Variants in PCDH15 observed in about 807,000 individuals in gnomAD.
The protein encoded by PCDH15 is protocadherin-15.
In PCDH15, 129 loss-of-function variants were observed where a neutral mutation model predicts 178.5. That is an observed-to-expected ratio of 0.72 (90% CI 0.63 to 0.84). The LOEUF (loss-of-function observed/expected upper bound fraction) is 0.84, where lower values mean the gene tolerates loss of function less well. Among genes scored for constraint, PCDH15 ranks in the 40% least tolerant of loss-of-function variants. PCDH15 has a pLI of 0.00. For missense variants in PCDH15, 2,230 were observed against 2,099.9 expected (o/e 1.06, Z -1.21); for synonymous variants, 800 against 732.0 (o/e 1.09, Z -1.50).
chr10:55,039,282 T>C (rs1840810472), intron 2 of PCDH15, among the ~76,000 whole-genome samples: 1 of 151,906 alleles, frequency 6.6e-6, no homozygotes, highest in Non-Finnish European at 1.5e-5. Context: ...ATTGTGTTCA[T>C]GAAGAAGAGA....
chr10:55,035,783 G>T (rs959231735), intron 2 of PCDH15, among the ~76,000 whole-genome samples: 2 of 152,122 alleles, frequency 1.3e-5, no homozygotes, highest in Admixed American at 1.3e-4. Context: ...ATATGAATAT[G>T]TGTGATAATG....
chr10:54,743,472 T>C (rs1178492479), intron 1 of PCDH15, among the ~76,000 whole-genome samples: 4 of 152,050 alleles, frequency 2.6e-5, no homozygotes, highest in Non-Finnish European at 5.9e-5. Flanking sequence ...ATTTGGTTCA[T>C]GCAAATACGA....
At chr10:55,450,942 G>A (rs1258516529) in intron 2 of PCDH15, among the ~76,000 whole-genome samples, 1 of 110,994 alleles carries the variant, frequency 9.0e-6, no homozygotes, top group Non-Finnish European at 1.7e-5. Flanking sequence ...ATACATGGAA[G>A]AAGGGGTAAG....
At chr10:55,396,300 G>C (rs879587369) in intron 2 of PCDH15, among the ~76,000 whole-genome samples, 1 of 151,976 alleles carries the variant, frequency 6.6e-6, no homozygotes, top group Non-Finnish European at 1.5e-5. Context: ...TGTCATTCTA[G>C]GAAAACAAAA....
At chr10:55,508,334 A>G (rs1356053317) in intron 2 of PCDH15, among the ~76,000 whole-genome samples, 1 of 151,754 alleles carries the variant, frequency 6.6e-6, no homozygotes, top group Non-Finnish European at 1.5e-5. Flanking sequence ...TTTCCAAACT[A>G]AGAAACTAAC....
At chr10:54,479,764 A>G (rs955082289) in intron 3 of PCDH15, among the ~76,000 whole-genome samples, 77 of 152,140 alleles carry the variant, frequency 5.1e-4, no homozygotes, top group Non-Finnish European at 9.9e-4. Context: ...ACAGAAAAAA[A>G]TGAGGGATTT....
intron 2 of PCDH15, among the ~76,000 whole-genome samples, chr10:54,982,392 A>C (rs1182248989): frequency 6.6e-6 from 1 of 152,186 alleles, no homozygotes; most frequent in Admixed American, 6.5e-5. Context: ...AAAAGAGTCA[A>C]AGTTTATCTA....
chr10:55,095,122 TG>T lies in PCDH15; in HGVS notation c.-80+71453del, dbSNP rs1842418981. Among the ~76,000 whole-genome samples the T allele has an allele frequency of 2.6e-5, 4 of 151,830 alleles. No homozygotes were observed. In the South Asian group the frequency reaches 8.3e-4, roughly 32 times the overall value. ...TGTTGTTACTTTTATAATTATTTTT[TG>T]TAGAGACGTGGTCTCCTTATATTGC... On this transcript the variant is annotated intron_variant, in intron 2 of 5. Transcript: ENST00000458638.
chr10:55,596,138 T>C (rs946474794), intron 2 of PCDH15, among the ~76,000 whole-genome samples: 6 of 152,056 alleles, frequency 3.9e-5, no homozygotes, highest in African/African-American at 1.4e-4. Context: ...ATTAGAACCG[T>C]CTTTCTCAGG....
At position 54,068,905 on chromosome 10, in the gene PCDH15, G is replaced by A. The variant is rs1162311415; in HGVS notation, c.2092-2020C>T. Among the ~76,000 whole-genome samples, 10 of 152,238 alleles carry A rather than the reference G, an allele frequency of 6.6e-5. No homozygotes were observed. The East Asian group carries it at 1.5e-3, about 23-fold the overall frequency. On this transcript the variant is annotated intron_variant, in intron 17 of 37. Transcript: ENST00000644397. ...GATGCACACACACAAACATACACAT[G>A]TGTGTCGATATATGTAAGTATGTTT...
chr10:53,972,211 G>A (rs1402450911), intron 21 of PCDH15, among the ~76,000 whole-genome samples: 1 of 152,100 alleles, frequency 6.6e-6, no homozygotes, highest in Non-Finnish European at 1.5e-5. Flanking sequence ...TTAATAAATG[G>A]TGCTGGGAAA....
chr10:53,840,312 G>T lies in PCDH15; in HGVS notation c.3983+8C>A, dbSNP rs2077563848. 6.2e-7 allele frequency: 1 copy of T among 1,613,434 alleles called. No individual in the cohort carries two copies. Reference sequence around the variant, plus strand: ...AAAGAGCTGTTACAGATAACAAAAAGCACTTACTTAAAAAGCTCATTTCTA... The same window carrying T: ...AAAGAGCTGTTACAGATAACAAAAATCACTTACTTAAAAAGCTCATTTCTA... On this transcript the variant is annotated splice_region_variant and intron_variant, in intron 29 of 37. Coordinates refer to ENST00000644397, the MANE Select transcript of PCDH15 (RefSeq NM_001384140.1).
chr10:53,943,946 A>C lies in PCDH15; in HGVS notation c.3123-2971T>G, dbSNP rs990604055. Reference sequence around the variant, plus strand: ...ATTTTATTATTGTTTTAGGTTGTGGAAAGTACCAGTTACATGATGGAGGCA... The same window carrying C: ...ATTTTATTATTGTTTTAGGTTGTGGCAAGTACCAGTTACATGATGGAGGCA... On this transcript the variant is annotated intron_variant, in intron 23 of 37. Transcript: ENST00000644397. 4.6e-5 allele frequency among the ~76,000 whole-genome samples: 7 copies of C among 152,168 alleles called. No individual in the cohort carries two copies. In the East Asian group the frequency reaches 1.3e-3, roughly 29 times the overall value.
intron 2 of PCDH15, among the ~76,000 whole-genome samples, chr10:55,075,003 T>G (rs2132018209): frequency 6.6e-6 from 1 of 152,272 alleles, no homozygotes; most frequent in South Asian, 2.1e-4. Context: ...TTTAGTCAGG[T>G]TTGTCAAAGA....
intron 2 of PCDH15, among the ~76,000 whole-genome samples, chr10:55,075,070 C>G (rs1264891340): frequency 6.6e-6 from 1 of 152,104 alleles, no homozygotes; most frequent in Admixed American, 6.6e-5. Flanking sequence ...TTCCATTGGT[C>G]TATGTGTCTG....
rs73259648 is a variant in PCDH15, at chr10:55,429,555, A to G, written c.-156+198070T>C. Among the ~76,000 whole-genome samples the G allele has an allele frequency of 5.5e-3, 831 of 152,272 alleles. 13 individuals are homozygous for G. The highest frequency in any genetic ancestry group is 0.019 in the African/African-American group (777 of 41,568). On this transcript the variant is annotated intron_variant, in intron 2 of 5. Transcript: ENST00000613346. Reference sequence around the variant, plus strand: ...TTTTGAGGAATTAAATTATTTTCATATCATGAACAGAAGTTATGTTTATAA... The same window carrying G: ...TTTTGAGGAATTAAATTATTTTCATGTCATGAACAGAAGTTATGTTTATAA...
chr10:54,779,395 T>C (rs1229758863), intron 1 of PCDH15, among the ~76,000 whole-genome samples: 1 of 85,916 alleles, frequency 1.2e-5, no homozygotes, highest in African/African-American at 3.6e-5. Flanking sequence ...TCTCTCTCTC[T>C]ATATATATAT....
Position 54,174,691 on chromosome 10 carries a change from CTTTT to C in PCDH15, c.1590+8749_1590+8752del, listed in dbSNP as rs1384774977. Among the ~76,000 whole-genome samples the C allele has an allele frequency of 3.6e-3, 351 of 96,882 alleles. 3 individuals are homozygous for C. Among genetic ancestry groups the C allele is most frequent in the African/African-American group, 0.014 (328 of 23,138 alleles). 63.6% of individuals were successfully genotyped at this position (96,882 alleles called of 152,430 possible). ...ATTTTCTTTTCCTTCTTTCTTTTTT[CTTTT>C]TCTTTTCTTTTTTTTTTTTTTTTTT... is the stretch of plus-strand genomic sequence containing the variant. On this transcript the variant is annotated intron_variant, in intron 13 of 37. Coordinates refer to ENST00000644397, the MANE Select transcript of PCDH15 (RefSeq NM_001384140.1).
intron 2 of PCDH15, among the ~76,000 whole-genome samples, chr10:54,639,232 T>G (rs2093934763): frequency 6.6e-6 from 1 of 152,154 alleles, no homozygotes; most frequent in Admixed American, 6.6e-5. Context: ...TGTTGCCACT[T>G]TGAAAGTTAA....
Sources: allele counts gnomAD v4.1 joint callset (sites outside exome capture counted in the v4.1 genomes callset), GRCh38; gene constraint gnomAD v4.1.1; transcripts MANE v1.5; gene names NCBI Gene and HGNC (gene_info 2026-07-23, HGNC 2026-07-21).